Variants in SLC2A9 observed in about 807,000 individuals in gnomAD.
SLC2A9 encodes solute carrier family 2, facilitated glucose transporter member 9.
SLC2A9 carries 39 observed loss-of-function variants against 50.6 expected under a neutral mutation model. The observed-to-expected ratio is 0.77, with a 90% CI of 0.60 to 1.01. The LOEUF (loss-of-function observed/expected upper bound fraction) is 1.01, where lower values mean the gene tolerates loss of function less well. SLC2A9 is among the 50% of genes least tolerant of loss of function. The pLI is 0.00. For missense variants in SLC2A9, 686 were observed against 677.6 expected, an observed-to-expected ratio of 1.01 and a Z score of -0.14; for synonymous variants, 324 against 276.9, an observed-to-expected ratio of 1.17 and a Z score of -1.69.
chr4:9,826,143 C>A (rs139283693), downstream of SLC2A9: 4 of 501,220 alleles, frequency 8.0e-6, no homozygotes, highest in African/African-American at 7.7e-5. Flanking sequence ...GCTGGGTCTA[C>A]TGAAACATAG....
chr4:9,939,441 A>T (rs180678230), intron 6 of SLC2A9, among the ~76,000 whole-genome samples: 3 of 152,338 alleles, frequency 2.0e-5, no homozygotes, highest in African/African-American at 4.8e-5. Context: ...AACAGACTGG[A>T]GAAGGGGTAT....
chr4:9,782,866 G>A (rs781347408), intron 3 of SLC2A9: 1 of 1,608,274 alleles, frequency 6.2e-7, no homozygotes. Flanking sequence ...CAGCCTGCGC[G>A]CCCGACACCA....
intron 5 of SLC2A9, among the ~76,000 whole-genome samples, chr4:9,963,477 A>C (rs1752597862): frequency 6.6e-6 from 1 of 152,226 alleles, no homozygotes; most frequent in African/African-American, 2.4e-5. Context: ...CGTTGATACA[A>C]AGATGAGAAC....
chr4:9,875,719 T>C (rs1734208874), intron 10 of SLC2A9, among the ~76,000 whole-genome samples: 1 of 152,160 alleles, frequency 6.6e-6, no homozygotes, highest in African/African-American at 2.4e-5. Flanking sequence ...TCTATCCACC[T>C]CCCCTTTTCC....
intron 2 of SLC2A9, among the ~76,000 whole-genome samples, chr4:10,008,888 T>A (rs949739482): frequency 2.0e-5 from 3 of 151,016 alleles, no homozygotes; most frequent in African/African-American, 4.9e-5. Flanking sequence ...ATTATCAAAT[T>A]TCTGTGCGGT....
At chr4:9,967,508 T>C (rs1420853226) in intron 5 of SLC2A9, among the ~76,000 whole-genome samples, 2 of 151,958 alleles carry the variant, frequency 1.3e-5, no homozygotes, top group East Asian at 3.8e-4. Flanking sequence ...TAATTCTTTA[T>C]GTAAAATGTA....
chr4:9,941,371 T>A (rs1480406626), intron 6 of SLC2A9, among the ~76,000 whole-genome samples: 1 of 151,960 alleles, frequency 6.6e-6, no homozygotes, highest in East Asian at 1.9e-4. Context: ...GTAAAATGAG[T>A]GTATACTCCT....
At chr4:9,950,373 C>T (rs768678827) in intron 5 of SLC2A9, among the ~76,000 whole-genome samples, 2 of 152,216 alleles carry the variant, frequency 1.3e-5, no homozygotes, top group Non-Finnish European at 2.9e-5. Context: ...GAAGCACCCA[C>T]ATAGAGCCCC....
chr4:10,007,302 TC>T (rs1357110786), intron 2 of SLC2A9, among the ~76,000 whole-genome samples: 1 of 152,198 alleles, frequency 6.6e-6, no homozygotes, highest in Non-Finnish European at 1.5e-5. Flanking sequence ...CAAGTGATTC[TC>T]CCAGAGGAGC....
At chr4:9,900,715 C>T (rs1316627189) in intron 8 of SLC2A9, among the ~76,000 whole-genome samples, 4 of 152,094 alleles carry the variant, frequency 2.6e-5, no homozygotes, top group Non-Finnish European at 1.5e-5. Context: ...TTCCACAGGG[C>T]GGGGGAGGCC....
intron 2 of SLC2A9, among the ~76,000 whole-genome samples, chr4:10,010,534 A>C (rs1761588650): frequency 6.6e-6 from 1 of 152,142 alleles, no homozygotes; most frequent in South Asian, 2.1e-4. Flanking sequence ...TTAACCTGTG[A>C]AGTTTGGCCT....
chr4:9,906,076 G>T (rs1339249863), intron 8 of SLC2A9, among the ~76,000 whole-genome samples: 1 of 152,202 alleles, frequency 6.6e-6, no homozygotes, highest in Non-Finnish European at 1.5e-5. Flanking sequence ...CACTTACTGG[G>T]TGTATACCAT....
chr4:9,905,623 G>T (rs1740522142), intron 8 of SLC2A9, among the ~76,000 whole-genome samples: 1 of 152,244 alleles, frequency 6.6e-6, no homozygotes, highest in South Asian at 2.1e-4. Context: ...TTTTAAGGAA[G>T]ATGATCTGCC....
chr4:9,886,129 A>AG (rs1187110221), intron 10 of SLC2A9, among the ~76,000 whole-genome samples: 1 of 152,046 alleles, frequency 6.6e-6, no homozygotes, highest in Non-Finnish European at 1.5e-5. Flanking sequence ...GACATCTCAG[A>AG]GGGGACTTCC....
rs183476966 is a variant in SLC2A9, at chr4:9,902,250, T to C, written c.1113+5985A>G. Among the ~76,000 whole-genome samples, 5 of 152,348 alleles carry C rather than the reference T, an allele frequency of 3.3e-5. No individual in the cohort carries two copies. In the East Asian group the frequency reaches 9.6e-4, roughly 29 times the overall value. On this transcript the variant is annotated intron_variant, in intron 8 of 11. Coordinates refer to ENST00000264784, the MANE Select transcript of SLC2A9 (RefSeq NM_020041.3). ...AACACTGTGTGGGGTACTCCCTTGT[T>C]ACACTGTCTGTGACCCCATGAGGAG... is the stretch of plus-strand genomic sequence containing the variant.
At chr4:10,033,638 C>T (rs566455279) in intron 1 of SLC2A9, among the ~76,000 whole-genome samples, 14 of 152,310 alleles carry the variant, frequency 9.2e-5, no homozygotes, top group South Asian at 8.3e-4. Context: ...GGCAGACTTC[C>T]GTGTTAGTTA....
At chr4:9,780,148 A>C (rs971622750) in intron 3 of SLC2A9, 2 of 152,252 alleles carry the variant, frequency 1.3e-5, no homozygotes, top group Non-Finnish European at 2.9e-5. Flanking sequence ...CTGATCATGA[A>C]ACACACTGAC....
intron 5 of SLC2A9, among the ~76,000 whole-genome samples, chr4:9,959,500 A>C (rs1383295288): frequency 6.6e-6 from 1 of 152,144 alleles, no homozygotes; most frequent in African/African-American, 2.4e-5. Flanking sequence ...AAGTTCTATC[A>C]TCAATTATTT....
chr4:9,946,417 C>A (rs1749167212), intron 5 of SLC2A9, among the ~76,000 whole-genome samples: 1 of 152,110 alleles, frequency 6.6e-6, no homozygotes, highest in Non-Finnish European at 1.5e-5. Context: ...TACCCCAAGT[C>A]AAGTTCTTAT....
Sources: gnomAD v4.1 joint callset for allele counts (sites outside exome capture counted in the v4.1 genomes callset) on GRCh38, gnomAD v4.1.1 for gene constraint, MANE v1.5 for transcripts, NCBI Gene and HGNC (gene_info 2026-07-23, HGNC 2026-07-21) for gene names.